ABCC8: variants seen among roughly 807,000 people sequenced by gnomAD.
ABCC8 encodes the protein ATP binding cassette subfamily C member 8, also known as ATP-binding cassette sub-family C member 8.
Under a neutral mutation model 188.0 loss-of-function variants are expected in ABCC8, and 137 were observed. The observed-to-expected ratio is 0.73, with a 90% CI of 0.63 to 0.84. The LOEUF (loss-of-function observed/expected upper bound fraction) is 0.84. Among genes scored for constraint, ABCC8 ranks in the 40% least tolerant of loss-of-function variants. ABCC8 has a pLI of 0.00. For missense variants in ABCC8, 1,750 were observed against 2,072.7 expected (o/e 0.84, Z 3.02); for synonymous variants, 797 against 846.5 (o/e 0.94, Z 1.01).
chr11:17,410,874 C>T (rs1954774735), intron 21 of ABCC8, among the ~76,000 whole-genome samples: 1 of 152,218 alleles, frequency 6.6e-6, no homozygotes, highest in Non-Finnish European at 1.5e-5. Flanking sequence ...GATCTAATCA[C>T]TTCACTGCCT....
intron 16 of ABCC8, among the ~76,000 whole-genome samples, chr11:17,423,941 C>T (rs1955466894): frequency 6.6e-6 from 1 of 152,204 alleles, no homozygotes; most frequent in Non-Finnish European, 1.5e-5. Flanking sequence ...ACTTGCTTCA[C>T]CTCAGTTTCC....
chr11:17,423,054 T>C (rs1955417162), intron 16 of ABCC8, among the ~76,000 whole-genome samples: 1 of 151,890 alleles, frequency 6.6e-6, no homozygotes, highest in Non-Finnish European at 1.5e-5. Flanking sequence ...AGGTCTTCTC[T>C]CCCCTCTCTT....
At chr11:17,411,048 C>A (rs988165503) in intron 21 of ABCC8, among the ~76,000 whole-genome samples, 2 of 152,212 alleles carry the variant, frequency 1.3e-5, no homozygotes, top group Non-Finnish European at 1.5e-5. Context: ...GCCGTCTGGG[C>A]CTTCTCCTGA....
rs762695376 is a variant in ABCC8 at position 17,406,868 on chromosome 11, C to A, written c.3162+20G>T. On this transcript the variant is annotated intron_variant, in intron 25 of 38. Coordinates refer to ENST00000389817, the MANE Select transcript of ABCC8 (RefSeq NM_000352.6). The stretch of plus-strand genomic sequence containing the variant: ...CCCCCATCCCCACTCCCAACCTCTG[C>A]CATGGGCCGCCAGTCACACCTGGCT... The A allele has an allele frequency of 2.5e-6, 4 of 1,614,042 alleles. No homozygotes were observed. The Admixed American group carries it at 6.7e-5, about 27-fold the overall frequency.
At chr11:17,471,252 A>G (rs1848462721) in intron 2 of ABCC8, among the ~76,000 whole-genome samples, 1 of 152,196 alleles carries the variant, frequency 6.6e-6, no homozygotes. Context: ...AGGCTAGGGA[A>G]GTGATACTGC....
In ABCC8 at chr11:17,475,011, G is replaced by A. The variant is rs1591928903; in HGVS notation, c.165C>T (p.Ser55=). The A allele has an allele frequency of 3.1e-6, 5 of 1,614,088 alleles. No homozygotes were observed. The highest frequency in any genetic ancestry group is 2.7e-5 in the African/African-American group (2 of 74,942). The change falls in exon 2 of 39, where the codon AGC becomes AGT. Residue 55 remains serine (S), a synonymous_variant. Transcript: ENST00000389817. Reference sequence around the variant, plus strand: ...TGCTGTGGTGGATGTGCACCTTGGAGCTCTGACTTCCCCATCCTGCAGGGA... The same window carrying A: ...TGCTGTGGTGGATGTGCACCTTGGAACTCTGACTTCCCCATCCTGCAGGGA... The part of the protein sequence containing the change: ...PILFIGWGSQ[S]SKVHIHHSTW...
At chr11:17,410,462 T>C (rs1280956956) in intron 22 of ABCC8, 54 bp downstream of exon 22, 15 of 1,593,582 alleles carry the variant, frequency 9.4e-6, no homozygotes, top group Middle Eastern at 1.7e-4. Context: ...CCAAGATGCC[T>C]GACAGCCTCC....
At chr11:17,466,398 CA>C (rs747797902) in intron 3 of ABCC8, among the ~76,000 whole-genome samples, 2,137 of 49,804 alleles carry the variant, frequency 0.043, 10 homozygotes, top group African/African-American at 0.069. Flanking sequence ...GACTCCATCT[CA>C]AAAAAAAAAA....
chr11:17,438,200 G>A (rs1005438031), intron 10 of ABCC8, among the ~76,000 whole-genome samples: 6 of 152,184 alleles, frequency 3.9e-5, no homozygotes, highest in Non-Finnish European at 2.9e-5. Context: ...TTCTGAGTTA[G>A]CGCCTCCACT....
chr11:17,461,893 C>A lies in ABCC8; in HGVS notation c.580-68G>T, dbSNP rs1043410032. 7 of 1,605,014 alleles carry A rather than the reference C, an allele frequency of 4.4e-6. No individual in the cohort carries two copies. In the African/African-American group the frequency reaches 8.0e-5, roughly 18 times the overall value. Reference sequence around the variant, plus strand: ...CTCACCACTCCCTACCTTGCCCCAGCAAGGATCTGGGGTTGTGATATTCCA... The same window carrying A: ...CTCACCACTCCCTACCTTGCCCCAGAAAGGATCTGGGGTTGTGATATTCCA... On this transcript the variant is annotated intron_variant, in intron 4 of 38. Coordinates refer to ENST00000389817, the MANE Select transcript of ABCC8 (RefSeq NM_000352.6).
intron 5 of ABCC8, chr11:17,460,996 C>T (rs1957168580): frequency 2.3e-6 from 1 of 429,330 alleles, no homozygotes; most frequent in Non-Finnish European, 4.3e-6. Context: ...TTACCACCTG[C>T]CACCGTGTCT....
Position 17,395,933 on chromosome 11 carries a change from G to A in ABCC8, c.4120-3C>T. ...CCGGTGCGGCCGCAGATCCCGATCT[G>A]GAAAGAGAGAAGCAGGCACCGCCAC... On this transcript the variant is annotated splice_region_variant and splice_polypyrimidine_tract_variant and intron_variant, in intron 33 of 38. Coordinates refer to ENST00000389817, the MANE Select transcript of ABCC8 (RefSeq NM_000352.6). 1.3e-6 allele frequency: 2 copies of A among 1,575,674 alleles called. No individual in the cohort carries two copies. Among genetic ancestry groups the A allele is most frequent in the South Asian group, 1.2e-5 (1 of 86,164 alleles).
At chr11:17,476,604 TC>T in intron 1 of ABCC8, 24 bp downstream of exon 1, 1 of 1,608,036 alleles carries the variant, frequency 6.2e-7, no homozygotes, top group Admixed American at 1.7e-5. Flanking sequence ...CGTCCCCTCC[TC>T]CGCGGCTCGC....
chr11:17,460,042 C>T (rs1957129208), intron 6 of ABCC8, among the ~76,000 whole-genome samples: 1 of 152,226 alleles, frequency 6.6e-6, no homozygotes, highest in Non-Finnish European at 1.5e-5. Flanking sequence ...CTTCTCTCTC[C>T]TCTGACAGTA....
chr11:17,450,204 G>A (rs1390063255), intron 7 of ABCC8, among the ~76,000 whole-genome samples: 1 of 151,576 alleles, frequency 6.6e-6, no homozygotes, highest in Non-Finnish European at 1.5e-5. Flanking sequence ...CCAAAAGAAA[G>A]AAAGAAAGGG....
At chr11:17,461,534 C>T (rs777559129) in intron 5 of ABCC8, 49 bp downstream of exon 5, 11 of 1,612,230 alleles carry the variant, frequency 6.8e-6, no homozygotes, top group African/African-American at 4.0e-5. Context: ...TCTCTGTGAC[C>T]CTAAACCAGA....
chr11:17,459,784 C>T (rs569620551), intron 6 of ABCC8, among the ~76,000 whole-genome samples: 22 of 152,214 alleles, frequency 1.4e-4, no homozygotes, highest in Non-Finnish European at 2.4e-4. Flanking sequence ...TACGGCCCCA[C>T]GCAGGGCAAA....
At position 17,395,926 on chromosome 11, in the gene ABCC8, C is replaced by G. The variant is rs1953901271; in HGVS notation, c.4124G>C (p.Gly1375Ala). The G allele has an allele frequency of 6.3e-7, 1 of 1,579,456 alleles. No individual in the cohort carries two copies. Among genetic ancestry groups the G allele is most frequent in the South Asian group, 1.2e-5 (1 of 86,476 alleles). The change falls in exon 34 of 39, where the codon GGG becomes GCG. Residue 1375 changes from glycine (G) to alanine (A), a missense_variant. Gly to Ala is a moderately conservative substitution (Grantham distance 60). Coordinates refer to ENST00000389817, the MANE Select transcript of ABCC8 (RefSeq NM_000352.6). ...CCCACTGCCGGTGCGGCCGCAGATC[C>G]CGATCTGGAAAGAGAGAAGCAGGCA... ...NALIAPGQKIGICGRTGSGKS... is the reference protein window; with the variant it reads ...NALIAPGQKIAICGRTGSGKS...
chr11:17,442,929 C>T (rs1193381667), intron 9 of ABCC8, 47 bp from the exon 10 acceptor site: 2 of 1,604,002 alleles, frequency 1.2e-6, no homozygotes, highest in South Asian at 1.1e-5. Flanking sequence ...GCTCCGTCTC[C>T]CACCCGAGAG....
Sources: gnomAD v4.1 joint callset for allele counts (sites outside exome capture counted in the v4.1 genomes callset) on GRCh38, gnomAD v4.1.1 for gene constraint, MANE v1.5 for transcripts, NCBI Gene and HGNC (gene_info 2026-07-23, HGNC 2026-07-21) for gene names.